The following RBM20 variants were observed in gnomAD, a reference collection of about 807,000 sequenced individuals.
RBM20 encodes RNA binding motif protein 20.
Under a neutral mutation model 110.1 loss-of-function variants are expected in RBM20, and 51 were observed. The ratio of observed to expected loss-of-function variants is 0.46; its 90% CI spans 0.37 to 0.59. The LOEUF is 0.59. Ranked by LOEUF, RBM20 falls within the 20% of genes least tolerant of loss-of-function variation. The pLI, the probability that RBM20 is intolerant of heterozygous loss-of-function variation, is 0.00. For synonymous variants in RBM20, 589 were observed against 618.2 expected (o/e 0.95, Z 0.70); for missense variants, 1,512 against 1,574.9 (o/e 0.96, Z 0.68).
chr10:110,658,234 C>G (rs1000916033), intron 1 of RBM20, among the ~76,000 whole-genome samples: 1 of 152,244 alleles, frequency 6.6e-6, no homozygotes, highest in Non-Finnish European at 1.5e-5. Context: ...AAAGGCCAGC[C>G]GAGTATTAGA....
chr10:110,825,672 C>A (rs1163860395), intron 12 of RBM20, among the ~76,000 whole-genome samples: 3 of 152,218 alleles, frequency 2.0e-5, no homozygotes, highest in African/African-American at 7.2e-5. Context: ...ATCGTAAAAG[C>A]TATGCTATAA....
In RBM20 at chr10:110,766,182, A is replaced by G. The variant is rs923489525; in HGVS notation, c.192-14619A>G. ...CCAAGGCAGTTTTCAATCTGCTTGGATCGTAACCACAGGTTTAGTTTGTGG... is the reference window on the plus strand; with the variant it reads ...CCAAGGCAGTTTTCAATCTGCTTGGGTCGTAACCACAGGTTTAGTTTGTGG... On this transcript the variant is annotated intron_variant, in intron 1 of 13. Transcript: ENST00000369519. Among the ~76,000 whole-genome samples the G allele has an allele frequency of 4.6e-5, 7 of 152,326 alleles. No homozygotes were observed. In the South Asian group the frequency reaches 1.4e-3, roughly 32 times the overall value.
At chr10:110,695,409 A>G (rs1384967543) in intron 1 of RBM20, among the ~76,000 whole-genome samples, 4 of 152,156 alleles carry the variant, frequency 2.6e-5, no homozygotes, top group African/African-American at 7.2e-5. Flanking sequence ...CTGGGATGGG[A>G]ACGGGTGCTA....
chr10:110,701,897 C>G (rs12570388), intron 1 of RBM20, among the ~76,000 whole-genome samples: 1 of 152,034 alleles, frequency 6.6e-6, no homozygotes, highest in South Asian at 2.1e-4. Context: ...AGAGAGCTAA[C>G]GGGGGATTAT....
intron 11 of RBM20, among the ~76,000 whole-genome samples, chr10:110,822,663 C>A (rs1844930028): frequency 6.6e-6 from 1 of 152,086 alleles, no homozygotes; most frequent in Non-Finnish European, 1.5e-5. Context: ...TTACAGAAAG[C>A]CTGTAGCACA....
chr10:110,783,263 TG>T (rs1165275750), intron 2 of RBM20, 102 bp from the exon 3 acceptor site: 4 of 837,248 alleles, frequency 4.8e-6, no homozygotes, highest in Non-Finnish European at 7.9e-6. Context: ...GTCCAGCCTC[TG>T]GGCGCTCTGT....
At chr10:110,808,984 G>A (rs1590693377) in intron 7 of RBM20, among the ~76,000 whole-genome samples, 2 of 152,066 alleles carry the variant, frequency 1.3e-5, no homozygotes, top group East Asian at 3.8e-4. Flanking sequence ...AGAGGCCAAG[G>A]CAGGAGGATT....
chr10:110,831,126 G>A lies in RBM20; in HGVS notation c.3517G>A (p.Glu1173Lys), dbSNP rs542297252. Residue 1173 changes from glutamate (E) to lysine (K), a missense_variant, in exon 13 of 14, where the codon GAG (glutamate) becomes AAG (lysine). Glu to Lys is a moderately conservative substitution (Grantham distance 56). This residue lies in a region of RBM20 where 358 missense variants were observed against 384.2 expected (regional missense o/e 0.93). Coordinates refer to ENST00000369519, the MANE Select transcript of RBM20 (RefSeq NM_001134363.3). ...GCTGTGTGGGCTGTTCTACACGAGC[G>A]AGGAGACAGCAAAGATGAGCCACTG... ...CKLCGLFYTS[E>K]ETAKMSHCRS... 34 of 1,551,588 alleles carry A rather than the reference G, an allele frequency of 2.2e-5. 1 individual carries two copies. In the South Asian group the frequency reaches 3.5e-4, roughly 16 times the overall value.
At chr10:110,819,240 C>A (rs1167672693) in intron 9 of RBM20, among the ~76,000 whole-genome samples, 1 of 152,214 alleles carries the variant, frequency 6.6e-6, no homozygotes, top group Non-Finnish European at 1.5e-5. Flanking sequence ...GCAAAGTTTT[C>A]TAGGACTAGA....
intron 1 of RBM20, among the ~76,000 whole-genome samples, chr10:110,649,801 G>A (rs565011859): frequency 1.3e-5 from 2 of 152,302 alleles, no homozygotes; most frequent in East Asian, 3.9e-4. Context: ...TTAGTGGTTT[G>A]CAGAAAGGAG....
intron 1 of RBM20, among the ~76,000 whole-genome samples, chr10:110,719,868 C>G (rs1403112608): frequency 6.6e-6 from 1 of 152,046 alleles, no homozygotes; most frequent in African/African-American, 2.4e-5. Context: ...CTGTCTTATT[C>G]TGTTTGGGCT....
chr10:110,648,966 T>C (rs754955820), intron 1 of RBM20, among the ~76,000 whole-genome samples: 2 of 152,218 alleles, frequency 1.3e-5, no homozygotes, highest in African/African-American at 2.4e-5. Flanking sequence ...GCTGTTCTAA[T>C]GCCAGTGCTG....
At chr10:110,812,244 A>G in intron 8 of RBM20, 34 bp from the exon 9 acceptor site, 1 of 1,506,030 alleles carries the variant, frequency 6.6e-7, no homozygotes, top group Non-Finnish European at 8.9e-7. Context: ...GGAGGTGTGA[A>G]GATTCTAAAT....
At chr10:110,652,652 A>C (rs1329293839) in intron 1 of RBM20, among the ~76,000 whole-genome samples, 1 of 152,162 alleles carries the variant, frequency 6.6e-6, no homozygotes, top group Non-Finnish European at 1.5e-5. Context: ...TTTTCTAGGT[A>C]AGACAAATGA....
Position 110,644,794 on chromosome 10 carries a change from GTGTCCTTCTGGCTGTT to G in RBM20, c.191+153_191+168del, listed in dbSNP as rs1227151488. 1 of 588,780 alleles carries G rather than the reference GTGTCCTTCTGGCTGTT, an allele frequency of 1.7e-6. No individual in the cohort carries two copies. The highest frequency in any genetic ancestry group is 2.8e-6 in the Non-Finnish European group (1 of 356,198). 36.5% of individuals were successfully genotyped at this position (588,780 alleles called of 1,614,324 possible). A position where few individuals can be genotyped will look rare whatever the true frequency, so the allele number is the denominator to read the frequency against. The stretch of plus-strand genomic sequence containing the variant: ...CTCGTACCCCCTCTGGGCAGAGTCG[GTGTCCTTCTGGCTGTT>G]TGTTAGGCTGGAAAGAGGGGAGCCA... On this transcript the variant is annotated intron_variant, in intron 1 of 13. Transcript: ENST00000369519. The surrounding 1 kb of genome is among the most constrained non-coding windows in gnomAD (Gnocchi z 4.3).
chr10:110,833,370 C>T lies in RBM20; in HGVS notation c.3573+2188C>T, dbSNP rs187699411. On this transcript the variant is annotated intron_variant, in intron 13 of 13. Transcript: ENST00000369519. ...CATCATTGCTCTCCAGCCTGGGTGA[C>T]GGAGCGAAACTCTGTCTCAGAAAAA... 9.7e-3 allele frequency among the ~76,000 whole-genome samples: 940 copies of T among 96,898 alleles called. 14 individuals are homozygous for T. The highest frequency in any genetic ancestry group is 0.035 in the African/African-American group (904 of 26,024). 63.6% of individuals were successfully genotyped at this position (96,898 alleles called of 152,430 possible).
chr10:110,811,877 C>G lies in RBM20; in HGVS notation c.1881-401C>G, dbSNP rs567090992. Among the ~76,000 whole-genome samples, 69 of 152,292 alleles carry G rather than the reference C, an allele frequency of 4.5e-4. 1 individual carries two copies. In the South Asian group the frequency reaches 0.013, roughly 29 times the overall value. On this transcript the variant is annotated intron_variant, in intron 8 of 13. Coordinates refer to ENST00000369519, the MANE Select transcript of RBM20 (RefSeq NM_001134363.3). ...ACCCAGGGTTAGGCAGCCTTACCCA[C>G]TAGGCTGGACTAGGGCAATCTTGCC...
At chr10:110,726,298 A>C (rs1463729057) in intron 1 of RBM20, among the ~76,000 whole-genome samples, 1 of 152,148 alleles carries the variant, frequency 6.6e-6, no homozygotes, top group Non-Finnish European at 1.5e-5. Context: ...ACCACCCAGC[A>C]TCTCTACAGC....
At chr10:110,769,659 T>C (rs1204716205) in intron 1 of RBM20, among the ~76,000 whole-genome samples, 1 of 152,196 alleles carries the variant, frequency 6.6e-6, no homozygotes, top group Non-Finnish European at 1.5e-5. Context: ...CTTGGTGTAC[T>C]TGCAGCTAGT....
Sources: allele counts gnomAD v4.1 joint callset (sites outside exome capture counted in the v4.1 genomes callset), GRCh38; gene constraint gnomAD v4.1.1; regional missense constraint gnomAD v4.1.1; non-coding constraint Gnocchi (gnomAD v3.1); transcripts MANE v1.5; gene names NCBI Gene and HGNC (gene_info 2026-07-23, HGNC 2026-07-21).